The following CAPN14 variants were observed in gnomAD, a reference collection of about 807,000 sequenced individuals.
The protein encoded by CAPN14 is calpain-14.
A neutral mutation model predicts 101.3 loss-of-function variants in CAPN14; 94 were observed. The ratio of observed to expected loss-of-function variants is 0.93; its 90% CI spans 0.79 to 1.10. The LOEUF (loss-of-function observed/expected upper bound fraction) is 1.10. Among genes scored for constraint, CAPN14 ranks in the 50% least tolerant of loss-of-function variants. CAPN14 has a pLI of 0.00. For synonymous variants in CAPN14, 338 were observed against 317.9 expected, an observed-to-expected ratio of 1.06 and a Z score of -0.67; for missense variants, 837 against 828.4, an observed-to-expected ratio of 1.01 and a Z score of -0.13.
Position 31,174,485 on chromosome 2 carries a change from TCCTC to T in CAPN14, c.*192_*195del. On this transcript the variant is annotated 3_prime_UTR_variant, in exon 22 of 22. Transcript: ENST00000403897. ...TTACAAATCTGATGTAATCTTTACTTCCTCCCTTCCCTTTCTGCATGCTGGCCAT... is the reference window on the plus strand; with the variant it reads ...TTACAAATCTGATGTAATCTTTACTTCCTTCCCTTTCTGCATGCTGGCCAT... The T allele has an allele frequency of 1.6e-6, 1 of 616,820 alleles. No homozygotes were observed. The highest frequency in any genetic ancestry group is 2.9e-6 in the Non-Finnish European group (1 of 349,226). 38.2% of individuals were successfully genotyped at this position (616,820 alleles called of 1,614,324 possible).
chr2:31,181,386 T>TTC (rs1171284901), intron 16 of CAPN14, among the ~76,000 whole-genome samples: 11 of 131,202 alleles, frequency 8.4e-5, no homozygotes, highest in African/African-American at 1.2e-4. Context: ...TCTTTTCTTT[T>TTC]TTTCTTTCTT....
At position 31,174,706 on chromosome 2, in the gene CAPN14, C is replaced by T. The variant is rs1431084774; in HGVS notation, c.2030G>A (p.Trp677Ter). Reference protein sequence around the residue: ...GKGIYLQKPEWMMMALYS With the variant: ...GKGIYLQKPE The stretch of plus-strand genomic sequence containing the variant: ...TCAGGAGTACAGTGCCATCATCATC[C>T]ACTGGACATGTTGGGAAAGCAAATG... Residue 677 changes from tryptophan to a stop codon, truncating the protein, a stop_gained and splice_region_variant, in exon 22 of 22, where the codon TGG (tryptophan) becomes TAG (stop). Transcript: ENST00000403897. LOFTEE classifies it high-confidence loss of function. 6.4e-7 allele frequency: 1 copy of T among 1,551,650 alleles called. No homozygotes were observed. The highest frequency in any genetic ancestry group is 2.0e-5 in the Admixed American group (1 of 51,004).
intron 1 of CAPN14, among the ~76,000 whole-genome samples, chr2:31,214,968 GC>G (rs917892826): frequency 7.0e-5 from 7 of 100,146 alleles, no homozygotes; most frequent in Non-Finnish European, 1.3e-4. Flanking sequence ...TGTTGGGGGA[GC>G]CCTGGGGCAT....
At chr2:31,227,919 T>C (rs1049160577) in intron 1 of CAPN14, among the ~76,000 whole-genome samples, 2 of 152,148 alleles carry the variant, frequency 1.3e-5, no homozygotes, top group African/African-American at 4.8e-5. Context: ...ACAGCCTTCT[T>C]ATGGGAGAGC....
At chr2:31,191,371 G>T in intron 12 of CAPN14, 28 bp downstream of exon 12, 1 of 1,541,348 alleles carries the variant, frequency 6.5e-7, no homozygotes. Context: ...CCCCAAACTA[G>T]GGCCACCCGG....
At chr2:31,194,001 A>G (rs971813328) in intron 9 of CAPN14, among the ~76,000 whole-genome samples, 3 of 152,142 alleles carry the variant, frequency 2.0e-5, no homozygotes, top group Non-Finnish European at 2.9e-5. Flanking sequence ...GAGCAGCCCC[A>G]GAGTGGGTGG....
Position 31,189,300 on chromosome 2 carries a change from C to G in CAPN14, c.1466G>C (p.Arg489Thr). 2.6e-6 allele frequency: 4 copies of G among 1,551,508 alleles called. No individual in the cohort carries two copies. Among genetic ancestry groups the G allele is most frequent in the Non-Finnish European group, 2.6e-6 (3 of 1,147,008 alleles). ...AAAGATGTGCTTCCTGGAGAAGACC[C>G]TGAGGACGAACTCTGACTTCTGGTG... ...EAHQKSEFVL[R>T]VFSRKHIFYE... Residue 489 changes from arginine (R) to threonine (T), a missense_variant, in exon 13 of 22, where the codon AGG becomes ACG. Arg to Thr is a moderately conservative substitution (Grantham distance 71). Transcript: ENST00000403897.
At chr2:31,182,929 C>G (rs1343473986) in intron 16 of CAPN14, among the ~76,000 whole-genome samples, 3 of 151,944 alleles carry the variant, frequency 2.0e-5, no homozygotes, top group South Asian at 4.2e-4. Context: ...TACCTGACTT[C>G]AAACTATACT....
At chr2:31,201,001 A>G (rs74651829) in intron 5 of CAPN14, among the ~76,000 whole-genome samples, 224 of 152,234 alleles carry the variant, frequency 1.5e-3, no homozygotes, top group Non-Finnish European at 2.6e-3. Flanking sequence ...CTGTTGGGAC[A>G]ACACCCTGGA....
chr2:31,186,628 G>A (rs929653114), intron 15 of CAPN14, 143 bp from the exon 16 acceptor site: 9 of 565,080 alleles, frequency 1.6e-5, no homozygotes, highest in African/African-American at 1.4e-4. Context: ...GCCAACCCCA[G>A]AGAACCCTGG....
chr2:31,191,891 C>T (rs1386092952), intron 11 of CAPN14, 44 bp downstream of exon 11: 8 of 1,484,610 alleles, frequency 5.4e-6, no homozygotes, highest in Admixed American at 4.5e-5. Context: ...GTTGGTGACC[C>T]CCACGCTTGG....
intron 15 of CAPN14, among the ~76,000 whole-genome samples, 184 bp downstream of exon 15, chr2:31,187,574 T>C (rs1334253112): frequency 6.6e-6 from 1 of 152,212 alleles, no homozygotes. Context: ...TTCTAGACAA[T>C]GGCTCCACTC....
In CAPN14 at chr2:31,201,988, T is replaced by C. The variant is rs1334653167; in HGVS notation, c.425A>G (p.Tyr142Cys). The C allele has an allele frequency of 3.9e-6, 6 of 1,551,554 alleles. No homozygotes were observed. Among genetic ancestry groups the C allele is most frequent in the East Asian group, 2.4e-5 (1 of 40,918 alleles). The change falls in exon 5 of 22, where the codon TAT becomes TGT. Residue 142 changes from tyrosine to cysteine, a missense_variant. By Grantham distance (194) the Tyr-to-Cys change is radical. Coordinates refer to ENST00000403897, the MANE Select transcript of CAPN14 (RefSeq NM_001145122.2). ...AGIFRFWFWH[Y>C]GNWVPVVIDD... ...GATCACCACAGGAACCCAGTTCCCA[T>C]AGTGCCAGAACTGGAGGGAGAGAGT...
rs189987022 is a variant in CAPN14 at position 31,194,298 on chromosome 2, T to C, written c.950+111A>G. On this transcript the variant is annotated intron_variant, in intron 9 of 21. Transcript: ENST00000403897. Reference sequence around the variant, plus strand: ...GAGCTCCTAAAGGGATGGTGCCTTATTGATCTCTGTACATGAAGTTCCTGG... The same window carrying C: ...GAGCTCCTAAAGGGATGGTGCCTTACTGATCTCTGTACATGAAGTTCCTGG... 1.8e-4 allele frequency: 132 copies of C among 752,080 alleles called. 1 individual carries two copies. Among genetic ancestry groups the C allele is most frequent in the Admixed American group, 6.4e-4 (30 of 47,152 alleles). The allele number at this position is 752,080 out of a possible 1,614,324, so 46.6% of individuals were successfully genotyped here.
At chr2:31,191,295 C>T in intron 12 of CAPN14, 104 bp downstream of exon 12, 1 of 1,139,542 alleles carries the variant, frequency 8.8e-7, no homozygotes, top group Non-Finnish European at 1.3e-6. Context: ...ATCATAGCTT[C>T]TTACGCAGTA....
At chr2:31,201,185 ATGTGTGTGTGCATG>A (rs71405551) in intron 5 of CAPN14, among the ~76,000 whole-genome samples, 9,026 of 139,828 alleles carry the variant, frequency 0.065, 360 homozygotes, top group Non-Finnish European at 0.098. Flanking sequence ...ATGTATGTGC[ATGTGTGTGTGCATG>A]TGTGTGTGTG....
At chr2:31,222,335 G>A (rs931363427), upstream of CAPN14, among the ~76,000 whole-genome samples, 21 of 152,098 alleles carry the variant, frequency 1.4e-4, no homozygotes, top group Non-Finnish European at 2.6e-4. Context: ...TGGGCCTCCC[G>A]AACACATAGC....
At chr2:31,212,315 A>AC (rs202113817) in intron 1 of CAPN14, among the ~76,000 whole-genome samples, 5,205 of 149,168 alleles carry the variant, frequency 0.035, 97 homozygotes, top group Non-Finnish European at 0.043. Flanking sequence ...CTCAAAACAA[A>AC]AAAAAAAAAA....
intron 2 of CAPN14, among the ~76,000 whole-genome samples, chr2:31,222,939 G>A (rs1003129568): frequency 1.3e-5 from 2 of 152,118 alleles, no homozygotes; most frequent in Non-Finnish European, 2.9e-5. Flanking sequence ...ATGGGATTAG[G>A]GCTCTTATAA....
Sources: allele counts gnomAD v4.1 joint callset (sites outside exome capture counted in the v4.1 genomes callset), GRCh38; gene constraint gnomAD v4.1.1; transcripts MANE v1.5; gene names NCBI Gene and HGNC (gene_info 2026-07-23, HGNC 2026-07-21).